UBA6: variants seen among roughly 807,000 people sequenced by gnomAD.
UBA6 encodes ubiquitin-like modifier-activating enzyme 6.
UBA6 carries 87 observed loss-of-function variants against 148.3 expected under a neutral mutation model. The observed-to-expected ratio is 0.59, with a 90% confidence interval of 0.49 to 0.70. The LOEUF (loss-of-function observed/expected upper bound fraction) is 0.70. UBA6 is among the 30% of genes least tolerant of loss of function. The probability of loss-of-function intolerance (pLI) is 0.00; values close to 1 mark genes in which losing one functional copy is unlikely to be tolerated. For missense variants in UBA6, 1,186 were observed against 1,241.2 expected, an observed-to-expected ratio of 0.96 and a Z score of 0.67; for synonymous variants, 376 against 401.0, an observed-to-expected ratio of 0.94 and a Z score of 0.75.
intron 6 of UBA6, among the ~76,000 whole-genome samples, chr4:67,674,190 T>C (rs1316291108): frequency 6.6e-6 from 1 of 152,224 alleles, no homozygotes; most frequent in African/African-American, 2.4e-5. Context: ...AGTTGGCTAC[T>C]AGAACATGTC....
At chr4:67,623,980 G>C (rs1384394370) in intron 30 of UBA6, 146 bp downstream of exon 30, 16 of 542,288 alleles carry the variant, frequency 3.0e-5, no homozygotes, top group Non-Finnish European at 4.3e-5. Context: ...ATGAAGATGA[G>C]GTTTGAGCTG....
chr4:67,695,741 G>C (rs1179617235), intron 2 of UBA6, among the ~76,000 whole-genome samples: 2 of 152,004 alleles, frequency 1.3e-5, no homozygotes, highest in Non-Finnish European at 2.9e-5. Flanking sequence ...TTATAATCAA[G>C]AAATCATCTT....
chr4:67,667,859 G>T (rs2109937591), intron 9 of UBA6, among the ~76,000 whole-genome samples: 1 of 152,170 alleles, frequency 6.6e-6, no homozygotes, highest in Non-Finnish European at 1.5e-5. Flanking sequence ...TAAAAAAACA[G>T]ACCCCTTCAA....
chr4:67,624,925 G>T, intron 29 of UBA6, 69 bp downstream of exon 29: 1 of 1,290,912 alleles, frequency 7.7e-7, no homozygotes, highest in Non-Finnish European at 1.1e-6. Flanking sequence ...GACTGGGTTG[G>T]TATGACGGGG....
At chr4:67,678,385 T>C in intron 5 of UBA6, 54 bp downstream of exon 5, 1 of 1,142,658 alleles carries the variant, frequency 8.8e-7, no homozygotes, top group Non-Finnish European at 1.2e-6. Context: ...AAAGGAAATA[T>C]TTTAAGTAAA....
intron 4 of UBA6, 68 bp from the exon 5 acceptor site, chr4:67,678,601 T>C (rs1730348041): frequency 2.8e-6 from 2 of 707,900 alleles, no homozygotes; most frequent in East Asian, 2.8e-5. Flanking sequence ...CCAGTATTAC[T>C]GACAATGTAC....
chr4:67,677,474 T>G, intron 6 of UBA6, 137 bp downstream of exon 6: 1 of 445,480 alleles, frequency 2.2e-6, no homozygotes. Flanking sequence ...AAAGGTTTTA[T>G]TCTAATATGT....
At chr4:67,674,481 T>G (rs1401365258) in intron 6 of UBA6, among the ~76,000 whole-genome samples, 2 of 152,220 alleles carry the variant, frequency 1.3e-5, no homozygotes, top group African/African-American at 2.4e-5. Context: ...AGCAACCTAC[T>G]GCATGTGCAT....
chr4:67,623,183 T>C lies in UBA6; in HGVS notation c.2880A>G (p.Val960=). The C allele has an allele frequency of 6.2e-7, 1 of 1,613,092 alleles. No individual in the cohort carries two copies. The highest frequency in any genetic ancestry group is 8.5e-7 in the Non-Finnish European group (1 of 1,179,332). Reference sequence around the variant, plus strand: ...AGAGGGTGAAATCTTCTTTTCCATGTACGGTCCATCGATCCCAAATTGTAA... The same window carrying C: ...AGAGGGTGAAATCTTCTTTTCCATGCACGGTCCATCGATCCCAAATTGTAA... The part of the protein sequence containing the change: ...ISFTIWDRWT[V]HGKEDFTLLD... Residue 960 remains valine, a synonymous_variant, in exon 31 of 33, where the codon GTA becomes GTG. Transcript: ENST00000322244.
chr4:67,688,670 A>T (rs1331509504), intron 2 of UBA6, among the ~76,000 whole-genome samples: 2 of 152,064 alleles, frequency 1.3e-5, no homozygotes, highest in African/African-American at 4.8e-5. Context: ...GAAAAATAAA[A>T]TTTTTCTCCA....
At chr4:67,630,637 T>C in intron 25 of UBA6, 102 bp from the exon 26 acceptor site, 2 of 714,612 alleles carry the variant, frequency 2.8e-6, no homozygotes, top group East Asian at 3.1e-5. Flanking sequence ...TGAAGAAATA[T>C]AACCACAGAA....
intron 13 of UBA6, among the ~76,000 whole-genome samples, chr4:67,659,240 A>C (rs1298277156): frequency 1.3e-5 from 2 of 152,110 alleles, no homozygotes; most frequent in African/African-American, 4.8e-5. Context: ...TATGATATTA[A>C]AGCTTTTACC....
At chr4:67,663,377 G>C in intron 11 of UBA6, 162 bp from the exon 12 acceptor site, 1 of 515,168 alleles carries the variant, frequency 1.9e-6, no homozygotes, top group South Asian at 4.3e-5. Flanking sequence ...AAGGTTAGAA[G>C]TTAAATGACT....
intron 5 of UBA6, 73 bp downstream of exon 5, chr4:67,678,366 G>T: frequency 1.1e-6 from 1 of 886,948 alleles, no homozygotes; most frequent in Non-Finnish European, 1.7e-6. Context: ...ACTGATTGGT[G>T]TTCTAGATAA....
intron 2 of UBA6, among the ~76,000 whole-genome samples, chr4:67,685,688 C>T (rs1021874453): frequency 1.3e-5 from 2 of 152,100 alleles, no homozygotes; most frequent in Admixed American, 1.3e-4. Flanking sequence ...CATGAGGGCT[C>T]TACCCTCGTG....
At chr4:67,651,966 A>G (rs1729563133) in intron 13 of UBA6, among the ~76,000 whole-genome samples, 1 of 152,112 alleles carries the variant, frequency 6.6e-6, no homozygotes, top group African/African-American at 2.4e-5. Flanking sequence ...AAATTAGTGT[A>G]AAGTCATGTA....
intron 2 of UBA6, among the ~76,000 whole-genome samples, chr4:67,694,283 C>CAAAA (rs771497060): frequency 8.5e-4 from 107 of 126,618 alleles, no homozygotes; most frequent in Non-Finnish European, 1.2e-3. Context: ...GATTCAGTCA[C>CAAAA]TATAAAAAAA....
chr4:67,670,521 T>C lies in UBA6; in HGVS notation c.618A>G (p.Leu206=). 1 of 1,602,772 alleles carries C rather than the reference T, an allele frequency of 6.2e-7. No homozygotes were observed. The highest frequency in any genetic ancestry group is 8.5e-7 in the Non-Finnish European group (1 of 1,169,782). ...CTTTTGGTTCTTCTCCTGTTGTATC[T>C]AAAACTTCAAATTCATCACCGAAAT... ...FCDFGDEFEV[L]DTTGEEPKEI... The change falls in exon 8 of 33, where the codon TTA becomes TTG. Residue 206 remains leucine, a synonymous_variant. Coordinates refer to ENST00000322244, the MANE Select transcript of UBA6 (RefSeq NM_018227.6).
In UBA6 at chr4:67,616,497, A is replaced by G. The variant is rs1360384933; in HGVS notation, c.*2500T>C. ...GGGACAATTTATGAGGAACTTATGG[A>G]CAAGTAACAGAACTGCTTTGAACTC... is the stretch of plus-strand genomic sequence containing the variant. On this transcript the variant is annotated 3_prime_UTR_variant, in exon 33 of 33. Coordinates refer to ENST00000322244, the MANE Select transcript of UBA6 (RefSeq NM_018227.6). 1 of 188,070 alleles carries G rather than the reference A, an allele frequency of 5.3e-6. No individual in the cohort carries two copies. Among genetic ancestry groups the G allele is most frequent in the East Asian group, 1.2e-4 (1 of 8,408 alleles). The allele number at this position is 188,070 out of a possible 1,614,324, so 11.7% of individuals were successfully genotyped here.
Sources: allele counts gnomAD v4.1 joint callset (sites outside exome capture counted in the v4.1 genomes callset), GRCh38; gene constraint gnomAD v4.1.1; transcripts MANE v1.5; gene names NCBI Gene and HGNC (gene_info 2026-07-23, HGNC 2026-07-21).